LINGO2: variants seen among roughly 807,000 people sequenced by gnomAD.
LINGO2 encodes leucine-rich repeat and immunoglobulin-like domain-containing nogo receptor-interacting protein 2.
Under a neutral mutation model 30.6 loss-of-function variants are expected in LINGO2, and 14 were observed. The ratio of observed to expected loss-of-function variants is 0.46; its 90% CI spans 0.30 to 0.72. The LOEUF (loss-of-function observed/expected upper bound fraction) is 0.72. Among genes scored for constraint, LINGO2 ranks in the 30% least tolerant of loss-of-function variants. The pLI is 0.07. For synonymous variants in LINGO2, 317 were observed against 288.5 expected, an observed-to-expected ratio of 1.10 and a Z score of -1.00; for missense variants, 729 against 751.7, an observed-to-expected ratio of 0.97 and a Z score of 0.35.
chr9:28,221,460 A>T (rs968160887), intron 4 of LINGO2, among the ~76,000 whole-genome samples: 1 of 152,128 alleles, frequency 6.6e-6, no homozygotes, highest in African/African-American at 2.4e-5. Flanking sequence ...TAAATATATA[A>T]TAAAAATACA....
At chr9:28,784,740 T>G in the LINGO2 span, among the ~76,000 whole-genome samples, 1 of 152,068 alleles carries the variant, frequency 6.6e-6, no homozygotes, top group Admixed American at 6.6e-5. Context: ...GATCATGAAG[T>G]CAGGAGATCG....
chr9:27,988,212 G>T (rs1481284553), intron 5 of LINGO2, among the ~76,000 whole-genome samples: 2 of 152,056 alleles, frequency 1.3e-5, no homozygotes, highest in Non-Finnish European at 1.5e-5. Context: ...GTATTCCATG[G>T]TGTATATGTG....
At chr9:28,757,623 G>A in the LINGO2 span, among the ~76,000 whole-genome samples, 85 of 151,802 alleles carry the variant, frequency 5.6e-4, no homozygotes, top group East Asian at 3.3e-3. Flanking sequence ...TTTTCTCCAC[G>A]AACAACTGAT....
chr9:28,472,390 C>T (rs116725648), intron 2 of LINGO2, among the ~76,000 whole-genome samples: 1,939 of 150,888 alleles, frequency 0.013, 34 homozygotes, highest in African/African-American at 0.044. Flanking sequence ...TCTAGGTTAA[C>T]ACAGATTATC....
intron 4 of LINGO2, among the ~76,000 whole-genome samples, chr9:28,046,680 C>T (rs1563940846): frequency 6.6e-6 from 1 of 152,064 alleles, no homozygotes; most frequent in African/African-American, 2.4e-5. Context: ...CTTAAAATGT[C>T]TTATTTTAAC....
At position 28,147,600 on chromosome 9, in the gene LINGO2, G is replaced by A. The variant is rs552261869; in HGVS notation, c.-86-135195C>T. Among the ~76,000 whole-genome samples, 17 of 152,180 alleles carry A rather than the reference G, an allele frequency of 1.1e-4. No individual in the cohort carries two copies. The South Asian group carries it at 3.1e-3, about 28-fold the overall frequency. ...GCCCTGTAACCCGGGGGACAGGGCC[G>A]GCCAAGACAGGGCCACTGGGTGCCA... On this transcript the variant is annotated intron_variant, in intron 4 of 5. Transcript: ENST00000379992. This position sits in a 1 kb window ranked among gnomAD's most constrained non-coding sequence, Gnocchi z 4.7.
the LINGO2 span, among the ~76,000 whole-genome samples, chr9:29,102,478 A>G: frequency 6.6e-6 from 1 of 152,192 alleles, no homozygotes; most frequent in East Asian, 1.9e-4. Context: ...AGAAGATAGT[A>G]CTAAATGTAT....
chr9:28,146,856 T>C (rs1268024280), intron 4 of LINGO2, among the ~76,000 whole-genome samples: 5 of 152,248 alleles, frequency 3.3e-5, no homozygotes, highest in African/African-American at 1.2e-4. Flanking sequence ...ATTTGCTTTC[T>C]AGACACATTC....
intron 2 of LINGO2, among the ~76,000 whole-genome samples, chr9:28,465,557 C>T (rs1283199133): frequency 2.0e-5 from 3 of 152,110 alleles, no homozygotes; most frequent in Non-Finnish European, 4.4e-5. Flanking sequence ...GAGGGTGGAG[C>T]CCTTGCCAGG....
intron 1 of LINGO2, among the ~76,000 whole-genome samples, chr9:28,550,147 C>T (rs1297587234): frequency 6.6e-6 from 1 of 151,788 alleles, no homozygotes; most frequent in African/African-American, 2.4e-5. Context: ...TGAGTACTTG[C>T]CTTAAATTCT....
the LINGO2 span, among the ~76,000 whole-genome samples, chr9:29,054,810 T>G: frequency 6.6e-6 from 1 of 151,988 alleles, no homozygotes. Context: ...GAAAACAGAC[T>G]AAAACAAAAA....
chr9:28,761,266 T>C, the LINGO2 span, among the ~76,000 whole-genome samples: 2 of 151,908 alleles, frequency 1.3e-5, no homozygotes, highest in South Asian at 2.1e-4. Flanking sequence ...TAGATCTTTC[T>C]CAAGCAAAAT....
chr9:28,735,155 G>T, the LINGO2 span, among the ~76,000 whole-genome samples: 1 of 152,014 alleles, frequency 6.6e-6, no homozygotes, highest in South Asian at 2.1e-4. Flanking sequence ...ACTTGAATGA[G>T]GTATAAGATC....
intron 1 of LINGO2, among the ~76,000 whole-genome samples, chr9:28,665,791 G>T (rs990805274): frequency 2.6e-5 from 4 of 151,636 alleles, no homozygotes; most frequent in Non-Finnish European, 5.9e-5. Flanking sequence ...TCATTCCTCA[G>T]TATTATTTCT....
intron 1 of LINGO2, among the ~76,000 whole-genome samples, chr9:28,556,629 A>G (rs1822714181): frequency 6.6e-6 from 1 of 152,102 alleles, no homozygotes; most frequent in Admixed American, 6.5e-5. Context: ...CTTTCTTCAC[A>G]GAATTGGAAA....
chr9:28,687,381 G>A, the LINGO2 span, among the ~76,000 whole-genome samples: 5 of 152,044 alleles, frequency 3.3e-5, no homozygotes, highest in South Asian at 1.0e-3. Flanking sequence ...AATTTTCAGT[G>A]TTATATTTAA....
chr9:28,019,881 A>G (rs1014031116), intron 4 of LINGO2, among the ~76,000 whole-genome samples: 3 of 152,074 alleles, frequency 2.0e-5, no homozygotes. Context: ...AGTTCTTCCT[A>G]CTTGTCAAAT....
the LINGO2 span, among the ~76,000 whole-genome samples, chr9:29,149,359 A>T: frequency 6.6e-6 from 1 of 152,108 alleles, no homozygotes; most frequent in Non-Finnish European, 1.5e-5. Flanking sequence ...GTGGCTGACT[A>T]GATGCAGCCA....
chr9:29,000,621 TGA>T, the LINGO2 span, among the ~76,000 whole-genome samples: 1 of 151,976 alleles, frequency 6.6e-6, no homozygotes, highest in African/African-American at 2.4e-5. Context: ...TGAATTGTAC[TGA>T]AAGAGCTACT....
Sources: allele counts gnomAD v4.1 joint callset (sites outside exome capture counted in the v4.1 genomes callset), GRCh38; gene constraint gnomAD v4.1.1; non-coding constraint Gnocchi (gnomAD v3.1); transcripts MANE v1.5; gene names NCBI Gene and HGNC (gene_info 2026-07-23, HGNC 2026-07-21).